The following CA10 variants were observed in gnomAD, a reference collection of about 807,000 sequenced individuals.
The protein encoded by CA10 is carbonic anhydrase 10 (inactive).
CA10 carries 14 observed loss-of-function variants against 44.2 expected under a neutral mutation model. That is an observed-to-expected ratio of 0.32 (90% CI 0.21 to 0.50). The LOEUF (loss-of-function observed/expected upper bound fraction) is 0.50. CA10 is among the 20% of genes least tolerant of loss of function. CA10 has a pLI of 0.99. For synonymous variants in CA10, 159 were observed against 141.6 expected (o/e 1.12, Z -0.87); for missense variants, 350 against 409.7 (o/e 0.85, Z 1.26).
chr17:51,698,430 G>A (rs1338042833), intron 4 of CA10, among the ~76,000 whole-genome samples: 4 of 152,052 alleles, frequency 2.6e-5, no homozygotes, highest in African/African-American at 9.7e-5. Context: ...GCTTTACTGA[G>A]GTATAATTGA....
intron 4 of CA10, among the ~76,000 whole-genome samples, chr17:51,746,311 A>T (rs1904686421): frequency 6.6e-6 from 1 of 152,188 alleles, no homozygotes; most frequent in Non-Finnish European, 1.5e-5. Context: ...GTGTTTTTAC[A>T]TCTGGAATCC....
chr17:51,717,789 ATG>A (rs1491192126), intron 4 of CA10, among the ~76,000 whole-genome samples: 5 of 76,108 alleles, frequency 6.6e-5, no homozygotes, highest in African/African-American at 1.9e-4. Flanking sequence ...GCATGTATAT[ATG>A]TATATGTGTA....
chr17:51,895,822 A>G (rs1322287761), intron 3 of CA10, among the ~76,000 whole-genome samples: 2 of 152,062 alleles, frequency 1.3e-5, no homozygotes, highest in African/African-American at 4.8e-5. Context: ...ACAATTTCTG[A>G]TTTCGGCAAG....
chr17:51,643,257 TGTTA>T (rs757123513), intron 6 of CA10, among the ~76,000 whole-genome samples: 43 of 152,340 alleles, frequency 2.8e-4, no homozygotes, highest in Admixed American at 6.5e-4. Flanking sequence ...ATTGGGATTC[TGTTA>T]ATTAATGCCA....
intron 3 of CA10, among the ~76,000 whole-genome samples, chr17:51,827,740 G>C (rs534311972): frequency 2.0e-5 from 3 of 152,262 alleles, no homozygotes; most frequent in African/African-American, 7.2e-5. Flanking sequence ...GGTTGAGGAG[G>C]CTCTGTGGCA....
At position 51,754,004 on chromosome 17, in the gene CA10, C is replaced by A. The variant is rs539568074; in HGVS notation, c.280-6186G>T. Among the ~76,000 whole-genome samples the A allele has an allele frequency of 1.6e-3, 250 of 152,082 alleles. 1 individual carries two copies. The highest frequency in any genetic ancestry group is 5.7e-3 in the African/African-American group (237 of 41,468). On this transcript the variant is annotated intron_variant, in intron 3 of 8. Coordinates refer to ENST00000451037, the MANE Select transcript of CA10 (RefSeq NM_020178.5). ...GATTACAGGTACCTGCCATCACGCC[C>A]AGCTAATTTTTATATTTTTAGTAGA...
chr17:52,066,578 A>T (rs1989102), intron 2 of CA10, among the ~76,000 whole-genome samples: 6 of 152,224 alleles, frequency 3.9e-5, no homozygotes, highest in Non-Finnish European at 5.9e-5. Context: ...CATGTAAGAC[A>T]TGACTTTGCT....
At chr17:51,814,399 T>C (rs898584173) in intron 3 of CA10, among the ~76,000 whole-genome samples, 3 of 152,126 alleles carry the variant, frequency 2.0e-5, no homozygotes, top group African/African-American at 7.2e-5. Flanking sequence ...TTATATAAAA[T>C]GTGTTTTGGG....
At chr17:51,663,268 C>T (rs75289641) in intron 4 of CA10, among the ~76,000 whole-genome samples, 151,244 of 151,244 alleles carry the variant, frequency 1, 75,622 homozygotes, top group Non-Finnish European at 1. Flanking sequence ...CAGGCCTTCG[C>T]ATCCTTCAAC....
intron 1 of CA10, among the ~76,000 whole-genome samples, chr17:52,140,449 C>T (rs1426225967): frequency 6.6e-6 from 1 of 152,150 alleles, no homozygotes; most frequent in Non-Finnish European, 1.5e-5. Context: ...TGGTTGTTTT[C>T]AATCAAACAC....
At chr17:52,071,982 C>T (rs1303915007) in intron 2 of CA10, among the ~76,000 whole-genome samples, 1 of 152,174 alleles carries the variant, frequency 6.6e-6, no homozygotes, top group Non-Finnish European at 1.5e-5. Flanking sequence ...AGCTCCATTG[C>T]CATGGTCAGT....
At chr17:51,745,626 T>C (rs1437400006) in intron 4 of CA10, among the ~76,000 whole-genome samples, 3 of 152,218 alleles carry the variant, frequency 2.0e-5, no homozygotes, top group Non-Finnish European at 4.4e-5. Flanking sequence ...GAAGCACTCA[T>C]TTACTCTAAA....
chr17:52,105,158 C>T (rs1455770963), intron 1 of CA10, among the ~76,000 whole-genome samples: 1 of 113,132 alleles, frequency 8.8e-6, no homozygotes, highest in Non-Finnish European at 2.0e-5. Context: ...TTCAAGCTCC[C>T]AGATGATTCC....
At chr17:51,801,171 A>C (rs1906910252) in intron 3 of CA10, among the ~76,000 whole-genome samples, 1 of 152,216 alleles carries the variant, frequency 6.6e-6, no homozygotes, top group South Asian at 2.1e-4. Flanking sequence ...TCGTGGCAAG[A>C]GACATCTGGT....
At chr17:51,707,506 A>C (rs1374741250) in intron 4 of CA10, among the ~76,000 whole-genome samples, 1 of 152,216 alleles carries the variant, frequency 6.6e-6, no homozygotes, top group Admixed American at 6.5e-5. Context: ...GCTGAAACAC[A>C]CTTGCTGATG....
At chr17:51,900,663 T>A (rs983611445) in intron 3 of CA10, among the ~76,000 whole-genome samples, 1 of 152,194 alleles carries the variant, frequency 6.6e-6, no homozygotes, top group Non-Finnish European at 1.5e-5. Context: ...GGGATGCCAG[T>A]AAGTAGCAGA....
chr17:52,121,395 T>C (rs1989011837), intron 1 of CA10, among the ~76,000 whole-genome samples: 1 of 152,042 alleles, frequency 6.6e-6, no homozygotes, highest in Non-Finnish European at 1.5e-5. Flanking sequence ...TTGGAAGGGA[T>C]ATTGCTTAAA....
intron 4 of CA10, among the ~76,000 whole-genome samples, chr17:51,744,985 C>T (rs996375164): frequency 6.6e-6 from 1 of 152,192 alleles, no homozygotes; most frequent in African/African-American, 2.4e-5. Context: ...ATGACTGCAT[C>T]TACCCAGGGC....
At chr17:52,086,580 A>C (rs1027345851) in intron 1 of CA10, among the ~76,000 whole-genome samples, 1 of 152,200 alleles carries the variant, frequency 6.6e-6, no homozygotes, top group Non-Finnish European at 1.5e-5. Flanking sequence ...CCAGCTGTGG[A>C]CTACACAGTG....
Sources: allele counts gnomAD v4.1 joint callset (sites outside exome capture counted in the v4.1 genomes callset), GRCh38; gene constraint gnomAD v4.1.1; transcripts MANE v1.5; gene names NCBI Gene and HGNC (gene_info 2026-07-23, HGNC 2026-07-21).